Variants in NALCN observed in about 807,000 individuals in gnomAD.
NALCN encodes sodium leak channel, non-selective.
Under a neutral mutation model 225.3 loss-of-function variants are expected in NALCN, and 111 were observed. The observed-to-expected ratio is 0.49, with a 90% CI of 0.42 to 0.58. The LOEUF (loss-of-function observed/expected upper bound fraction) is 0.58. Ranked by LOEUF, NALCN falls within the 20% of genes least tolerant of loss-of-function variation. The pLI, the probability that NALCN is intolerant of heterozygous loss-of-function variation, is 0.00. For synonymous variants in NALCN, 764 were observed against 769.0 expected (o/e 0.99, Z 0.11); for missense variants, 1,378 against 2,202.4 (o/e 0.63, Z 7.49).
intron 7 of NALCN, among the ~76,000 whole-genome samples, chr13:101,307,968 G>A (rs1415205458): frequency 6.6e-6 from 1 of 152,150 alleles, no homozygotes; most frequent in Non-Finnish European, 1.5e-5. Flanking sequence ...TAGCTTTTGG[G>A]TGTATTGGGT....
At chr13:101,297,423 G>A (rs2043797002) in intron 7 of NALCN, among the ~76,000 whole-genome samples, 1 of 152,198 alleles carries the variant, frequency 6.6e-6, no homozygotes, top group Admixed American at 6.5e-5. Flanking sequence ...AAAGAACAAA[G>A]AGGATTTATT....
At position 101,175,357 on chromosome 13, in the gene NALCN, A is replaced by C. The variant is rs148796885; in HGVS notation, c.1839+943T>G. Among the ~76,000 whole-genome samples the C allele has an allele frequency of 7.9e-3, 1,208 of 152,128 alleles. 14 individuals carry two copies. Among genetic ancestry groups the C allele is most frequent in the South Asian group, 0.051 (245 of 4,806 alleles). On this transcript the variant is annotated intron_variant, in intron 15 of 43. Coordinates refer to ENST00000251127, the MANE Select transcript of NALCN (RefSeq NM_052867.4). ...CCTAACCTGATCATGAGATAGATTA[A>C]AAAAAATTAAAAAATTTAAATAGGT...
In NALCN at chr13:101,387,227, C is replaced by CAAAA. The variant is rs747159185; in HGVS notation, c.291+7952_291+7955dup. Among the ~76,000 whole-genome samples the CAAAA allele has an allele frequency of 2.6e-3, 74 of 29,018 alleles. 2 individuals are homozygous for CAAAA. The highest frequency in any genetic ancestry group is 8.1e-3 in the African/African-American group (64 of 7,914). The allele number at this position is 29,018 out of a possible 152,430, so 19.0% of individuals were successfully genotyped here. ...TGGGCGACAGAGCGAGACTCCGTCT[C>CAAAA]AAAAAAAAAAAAAAAAAAAAAAAAA... On this transcript the variant is annotated intron_variant, in intron 3 of 43. Coordinates refer to ENST00000251127, the MANE Select transcript of NALCN (RefSeq NM_052867.4).
intron 6 of NALCN, among the ~76,000 whole-genome samples, chr13:101,349,988 C>T (rs983995137): frequency 7.9e-5 from 12 of 152,158 alleles, no homozygotes; most frequent in African/African-American, 2.9e-4. Flanking sequence ...TCTCCCTCAA[C>T]CCTCATAAGT....
intron 14 of NALCN, chr13:101,181,064 A>G (rs768587896): frequency 1.9e-6 from 1 of 518,152 alleles, no homozygotes; most frequent in South Asian, 1.4e-5. Context: ...ATCTGGGCAC[A>G]TGGGCCAGGG....
At chr13:101,129,374 T>C (rs987746059) in intron 17 of NALCN, among the ~76,000 whole-genome samples, 1 of 152,226 alleles carries the variant, frequency 6.6e-6, no homozygotes, top group East Asian at 1.9e-4. Context: ...TCCATGTCAA[T>C]TACCATTTCT....
At chr13:101,273,942 A>ACATC (rs2042889885) in intron 10 of NALCN, among the ~76,000 whole-genome samples, 1 of 152,058 alleles carries the variant, frequency 6.6e-6, no homozygotes, top group Admixed American at 6.6e-5. Flanking sequence ...AAAATGTTCA[A>ACATC]CATCCATTAA....
intron 7 of NALCN, among the ~76,000 whole-genome samples, chr13:101,301,741 G>GA (rs35848778): frequency 0.24 from 34,183 of 144,268 alleles, 4,816 homozygotes; most frequent in South Asian, 0.32. Flanking sequence ...GACAAGACAA[G>GA]AAAAAAAAAA....
At position 101,123,984 on chromosome 13, in the gene NALCN, T is replaced by C. The variant is rs2036108308; in HGVS notation, c.2192+624A>G. ...TCTTGAGTTGTGTCATCTACATATG[T>C]CTATGTAATATATGTACCAATAAAT... On this transcript the variant is annotated intron_variant, in intron 18 of 43. Coordinates refer to ENST00000251127, the MANE Select transcript of NALCN (RefSeq NM_052867.4). Among the ~76,000 whole-genome samples, 4 of 152,348 alleles carry C rather than the reference T, an allele frequency of 2.6e-5. No homozygotes were observed. The South Asian group carries it at 6.2e-4, about 24-fold the overall frequency.
chr13:101,059,023 G>C (rs1317982543), intron 42 of NALCN: 1 of 152,364 alleles, frequency 6.6e-6, no homozygotes. Flanking sequence ...GCTTCCAAAG[G>C]TACTCTGGCC....
rs9585628 is a variant in NALCN at position 101,134,013 on chromosome 13, A to G, written c.2118+9067T>C. Among the ~76,000 whole-genome samples the G allele has an allele frequency of 5.9e-3, 902 of 152,168 alleles. 11 individuals are homozygous for G. Among genetic ancestry groups the G allele is most frequent in the African/African-American group, 0.02 (849 of 41,518 alleles). ...TGAAACCCCGTCTCTACTAAAAAAT[A>G]GAAAAAATAAGCCGGGCATGGTGGC... On this transcript the variant is annotated intron_variant, in intron 17 of 43. Coordinates refer to ENST00000251127, the MANE Select transcript of NALCN (RefSeq NM_052867.4).
At chr13:101,396,361 C>A (rs1160882190) in intron 2 of NALCN, among the ~76,000 whole-genome samples, 2 of 151,916 alleles carry the variant, frequency 1.3e-5, no homozygotes, top group African/African-American at 4.8e-5. Context: ...AATCCAAATA[C>A]GTTTTTATTG....
intron 22 of NALCN, among the ~76,000 whole-genome samples, chr13:101,106,320 C>T (rs2035097213): frequency 6.6e-6 from 1 of 152,102 alleles, no homozygotes; most frequent in Non-Finnish European, 1.5e-5. Context: ...TTGGACTCTA[C>T]CGTATGGATT....
chr13:101,117,053 T>G, intron 18 of NALCN: 1 of 469,840 alleles, frequency 2.1e-6, no homozygotes, highest in South Asian at 1.5e-5. Flanking sequence ...GATACCCCAC[T>G]CCTTTGTGAG....
chr13:101,175,320 T>TA (rs1192916427), intron 15 of NALCN, among the ~76,000 whole-genome samples: 1 of 151,676 alleles, frequency 6.6e-6, no homozygotes, highest in Non-Finnish European at 1.5e-5. Context: ...GTAAGAGTAA[T>TA]AAAATGAAAT....
intron 10 of NALCN, among the ~76,000 whole-genome samples, chr13:101,259,111 C>T (rs2042333563): frequency 6.6e-6 from 1 of 152,026 alleles, no homozygotes; most frequent in South Asian, 2.1e-4. Context: ...CATACTTGCT[C>T]TCTACCTGGA....
At chr13:101,180,877 C>A in intron 14 of NALCN, 1 of 358,166 alleles carries the variant, frequency 2.8e-6, no homozygotes, top group South Asian at 2.1e-5. Context: ...CTCTCATGCT[C>A]CATCCCAGAA....
At chr13:101,286,892 CACACA>C (rs1566533378) in intron 9 of NALCN, among the ~76,000 whole-genome samples, 3 of 151,776 alleles carry the variant, frequency 2.0e-5, no homozygotes, top group Admixed American at 2.0e-4. Flanking sequence ...CACACACACA[CACACA>C]CCTGCATCCC....
intron 27 of NALCN, among the ~76,000 whole-genome samples, chr13:101,100,399 C>T (rs1007642258): frequency 3.3e-5 from 5 of 152,170 alleles, no homozygotes; most frequent in Non-Finnish European, 5.9e-5. Context: ...GGAAGAGTGA[C>T]ATTCTCTGAG....
Sources: allele counts gnomAD v4.1 joint callset (sites outside exome capture counted in the v4.1 genomes callset), GRCh38; gene constraint gnomAD v4.1.1; transcripts MANE v1.5; gene names NCBI Gene and HGNC (gene_info 2026-07-23, HGNC 2026-07-21).